UPP2: variants seen among roughly 807,000 people sequenced by gnomAD.
The protein encoded by UPP2 is uridine phosphorylase 2.
Under a neutral mutation model 26.7 loss-of-function variants are expected in UPP2, and 23 were observed. That is an observed-to-expected ratio of 0.86 (90% confidence interval 0.62 to 1.22). The LOEUF is 1.22. Among genes scored for constraint, UPP2 ranks in the 50% most tolerant of loss-of-function variants. The probability of loss-of-function intolerance (pLI) is 0.00; values close to 1 mark genes in which losing one functional copy is unlikely to be tolerated. For missense variants in UPP2, 387 were observed against 396.7 expected, an observed-to-expected ratio of 0.98 and a Z score of 0.21; for synonymous variants, 127 against 141.3, an observed-to-expected ratio of 0.90 and a Z score of 0.72.
At chr2:158,074,288 T>C (rs1682590754) in intron 3 of UPP2, among the ~76,000 whole-genome samples, 1 of 152,168 alleles carries the variant, frequency 6.6e-6, no homozygotes, top group Admixed American at 6.5e-5. Context: ...TATAAAACTG[T>C]AATTGTGATG....
intron 4 of UPP2, among the ~76,000 whole-genome samples, chr2:158,119,596 C>T (rs1018266617): frequency 2.0e-5 from 3 of 152,010 alleles, no homozygotes; most frequent in Non-Finnish European, 4.4e-5. Flanking sequence ...TACACTAACA[C>T]ATTTAAATAT....
intron 3 of UPP2, among the ~76,000 whole-genome samples, chr2:158,079,128 G>T (rs1318729021): frequency 6.6e-6 from 1 of 152,012 alleles, no homozygotes; most frequent in Non-Finnish European, 1.5e-5. Context: ...ATGATTGTAA[G>T]TTTCCTGAGG....
At chr2:158,105,538 A>G (rs185944515) in intron 1 of UPP2, among the ~76,000 whole-genome samples, 1 of 152,352 alleles carries the variant, frequency 6.6e-6, no homozygotes, top group Admixed American at 6.5e-5. Context: ...TTTCCAGAAG[A>G]AGAGTCCATG....
chr2:158,097,388 T>C (rs543070922), upstream of UPP2, among the ~76,000 whole-genome samples: 4,087 of 152,052 alleles, frequency 0.027, 188 homozygotes, highest in African/African-American at 0.09. Context: ...TCTATATATA[T>C]ATATATAGAG....
intron 3 of UPP2, among the ~76,000 whole-genome samples, chr2:158,037,484 C>T (rs1006114682): frequency 2.0e-5 from 3 of 152,178 alleles, no homozygotes; most frequent in Non-Finnish European, 4.4e-5. Context: ...AATGTATTCT[C>T]TGATTGTTCT....
intron 2 of UPP2, among the ~76,000 whole-genome samples, chr2:157,995,719 AC>A (rs1313869536): frequency 6.6e-6 from 1 of 152,196 alleles, no homozygotes; most frequent in Non-Finnish European, 1.5e-5. Context: ...AGGCACATAC[AC>A]ACACATACAC....
chr2:158,007,931 G>A (rs1030591150), intron 2 of UPP2, among the ~76,000 whole-genome samples: 5 of 152,106 alleles, frequency 3.3e-5, no homozygotes, highest in African/African-American at 1.2e-4. Flanking sequence ...GGCTTTTCAT[G>A]TATCTCTATT....
At chr2:158,110,369 G>A (rs181473222) in intron 2 of UPP2, among the ~76,000 whole-genome samples, 6 of 151,918 alleles carry the variant, frequency 3.9e-5, no homozygotes, top group African/African-American at 1.4e-4. Context: ...ATTCCATGGT[G>A]TATTTGCTTA....
chr2:158,052,487 C>T (rs767729067), intron 3 of UPP2, among the ~76,000 whole-genome samples: 6 of 152,198 alleles, frequency 3.9e-5, no homozygotes, highest in Non-Finnish European at 7.4e-5. Flanking sequence ...GTAAGGCCTA[C>T]CATTCTATCC....
rs147252087 is a variant in UPP2, at chr2:158,109,712, G to A, written c.180+3496G>A. ...GCTGAGATGTTAAGTTTAGCTGGGTGCCCAGAAAGAAGAGCAAACTGTTTA... is the reference window on the plus strand; with the variant it reads ...GCTGAGATGTTAAGTTTAGCTGGGTACCCAGAAAGAAGAGCAAACTGTTTA... On this transcript the variant is annotated intron_variant, in intron 2 of 6. Transcript: ENST00000005756. 7.7e-4 allele frequency among the ~76,000 whole-genome samples: 117 copies of A among 152,326 alleles called. No individual in the cohort carries two copies. The Middle Eastern group carries it at 0.01, about 13-fold the overall frequency.
chr2:158,117,617 C>T (rs1231961595), intron 3 of UPP2, among the ~76,000 whole-genome samples: 1 of 151,954 alleles, frequency 6.6e-6, no homozygotes, highest in Admixed American at 6.6e-5. Flanking sequence ...TGAGATGCCT[C>T]CCTCTGATCT....
intron 3 of UPP2, among the ~76,000 whole-genome samples, chr2:158,088,869 G>A (rs1161726365): frequency 2.0e-5 from 3 of 152,232 alleles, no homozygotes. Context: ...AACAGTATCT[G>A]CTCTGGTGGA....
chr2:158,103,331 T>G (rs7559218), intron 1 of UPP2, among the ~76,000 whole-genome samples: 1 of 152,158 alleles, frequency 6.6e-6, no homozygotes, highest in South Asian at 2.1e-4. Flanking sequence ...ATAATTAATA[T>G]AAGTGAAAAT....
intron 3 of UPP2, among the ~76,000 whole-genome samples, chr2:158,066,282 C>T (rs1012509706): frequency 2.4e-4 from 36 of 152,216 alleles, no homozygotes; most frequent in African/African-American, 8.7e-4. Flanking sequence ...GCAAAAGATT[C>T]TTGCTGTTAG....
chr2:158,122,255 C>T (rs1295306274), intron 5 of UPP2, among the ~76,000 whole-genome samples: 1 of 152,006 alleles, frequency 6.6e-6, no homozygotes, highest in Non-Finnish European at 1.5e-5. Context: ...TGGTACCATG[C>T]CTTGAAGGGC....
intron 3 of UPP2, among the ~76,000 whole-genome samples, chr2:158,074,690 T>TAC (rs56277459): frequency 0.064 from 8,726 of 135,384 alleles, 348 homozygotes; most frequent in Admixed American, 0.11. Flanking sequence ...AAGACCTTCA[T>TAC]ACACACACAC....
rs1313001761 is a variant in UPP2, at chr2:158,123,830, G to T, written c.746G>T (p.Gly249Val). ...TACTTGAAGAGAGCATTTAAAGCTG[G>T]TGTCAGGAATATTGAAATGGAATCT... ...LDYLKRAFKA[G>V]VRNIEMESTV... The change falls in exon 6 of 7, where the codon GGT (glycine) becomes GTT (valine). Residue 249 changes from glycine (G) to valine (V), a missense_variant. Gly to Val is a moderately radical substitution (Grantham distance 109, BLOSUM62 -3). Coordinates refer to ENST00000005756, the MANE Select transcript of UPP2 (RefSeq NM_173355.4). The T allele has an allele frequency of 1.2e-6, 2 of 1,614,092 alleles. No individual in the cohort carries two copies. The highest frequency in any genetic ancestry group is 3.3e-5 in the Admixed American group (2 of 60,028).
intron 3 of UPP2, among the ~76,000 whole-genome samples, chr2:158,088,564 C>A (rs987809372): frequency 6.6e-6 from 1 of 152,072 alleles, no homozygotes; most frequent in Non-Finnish European, 1.5e-5. Flanking sequence ...CCTTGTTTGT[C>A]ATATTACTAG....
In UPP2 at chr2:158,058,272, G is replaced by A. The variant is rs755756687; in HGVS notation, c.147+42386G>A. Among the ~76,000 whole-genome samples the A allele has an allele frequency of 3.7e-4, 54 of 144,120 alleles. 1 individual carries two copies. Among genetic ancestry groups the A allele is most frequent in the Non-Finnish European group, 2.3e-4 (15 of 66,418 alleles). The allele number at this position is 144,120 out of a possible 152,430, so 94.5% of individuals were successfully genotyped here. A position where few individuals can be genotyped will look rare whatever the true frequency, so the allele number is the denominator to read the frequency against. On this transcript the variant is annotated intron_variant, in intron 3 of 9. Transcript: ENST00000605860. The stretch of plus-strand genomic sequence containing the variant: ...TGTGCCACTGCATGCCAGCCTGGGC[G>A]ACAGAGCGAGACTCCGTCTCAAAAA...
Sources: gnomAD v4.1 joint callset for allele counts (sites outside exome capture counted in the v4.1 genomes callset) on GRCh38, gnomAD v4.1.1 for gene constraint, MANE v1.5 for transcripts, NCBI Gene and HGNC (gene_info 2026-07-23, HGNC 2026-07-21) for gene names.